AR: variants seen among roughly 807,000 people sequenced by gnomAD.
AR encodes androgen receptor.
In AR, 8 loss-of-function variants were observed where a neutral mutation model predicts 53.9. The observed-to-expected ratio is 0.15, with a 90% CI of 0.09 to 0.27. The LOEUF (loss-of-function observed/expected upper bound fraction) is 0.27, where lower values mean the gene tolerates loss of function less well. AR is among the 10% of genes least tolerant of loss of function. The probability of loss-of-function intolerance (pLI) is 1.00; values close to 1 mark genes in which losing one functional copy is unlikely to be tolerated. For synonymous variants in AR, 359 were observed against 316.4 expected (o/e 1.13, Z -1.43); for missense variants, 639 against 742.5 (o/e 0.86, Z 1.62).
intron 3 of AR, chrX:67,694,913 A>G (rs752710549): frequency 8.9e-5 from 93 of 1,046,170 alleles, no homozygotes; most frequent in Non-Finnish European, 1.1e-4. Context: ...TTCCTACCTC[A>G]CAGGGATGTT....
intron 1 of AR, among the ~76,000 whole-genome samples, chrX:67,630,101 A>G (rs1924985404): frequency 9.0e-6 from 1 of 110,972 alleles, no homozygotes; most frequent in South Asian, 3.9e-4. Flanking sequence ...GTGCTGAAAA[A>G]AATGTATATT....
intron 1 of AR, among the ~76,000 whole-genome samples, chrX:67,614,890 A>T (rs1924041380): frequency 9.0e-6 from 1 of 111,136 alleles, no homozygotes; most frequent in Non-Finnish European, 1.9e-5. Context: ...ATAAAGAGAT[A>T]GAAGTTATAA....
intron 3 of AR, among the ~76,000 whole-genome samples, chrX:67,700,638 A>G (rs1231175171): frequency 8.9e-6 from 1 of 112,039 alleles, no homozygotes; most frequent in Admixed American, 9.4e-5. Context: ...GTGGGAATGC[A>G]GTTTTTCTTC....
At chrX:67,647,831 A>G (rs867544020) in intron 2 of AR, among the ~76,000 whole-genome samples, 1 of 112,317 alleles carries the variant, frequency 8.9e-6, no homozygotes, top group Non-Finnish European at 1.9e-5. Context: ...GCCATAGACA[A>G]TACTGGAACT....
intron 1 of AR, among the ~76,000 whole-genome samples, chrX:67,626,610 T>TTATA (rs201252311): frequency 0.032 from 2,733 of 85,068 alleles, 148 homozygotes; most frequent in African/African-American, 0.11. Flanking sequence ...CCGACTAATT[T>TTATA]TATATATATA....
intron 1 of AR, among the ~76,000 whole-genome samples, chrX:67,624,633 G>A (rs1414712681): frequency 2.7e-5 from 3 of 110,296 alleles, no homozygotes; most frequent in African/African-American, 9.9e-5. Context: ...CAAAATGCTA[G>A]CAAACAGAAT....
At chrX:67,648,930 T>A (rs768081833) in intron 2 of AR, among the ~76,000 whole-genome samples, 1 of 111,834 alleles carries the variant, frequency 8.9e-6, no homozygotes, top group Non-Finnish European at 1.9e-5. Context: ...AATATGCAGG[T>A]TTCTTATATA....
rs777811091 is a variant in AR, at chrX:67,630,707, G to A, written c.1617-12549G>A. 3.6e-5 allele frequency among the ~76,000 whole-genome samples: 4 copies of A among 109,710 alleles called. No homozygotes were observed. The East Asian group carries it at 1.2e-3, about 32-fold the overall frequency. ...ATGATTTTAGCTGGTTATTTTGCTC[G>A]TTAGTTGATGCAGTTTCTTCCTAGT... On this transcript the variant is annotated intron_variant, in intron 1 of 7. Coordinates refer to ENST00000374690, the MANE Select transcript of AR (RefSeq NM_000044.6).
intron 2 of AR, among the ~76,000 whole-genome samples, chrX:67,682,041 C>T (rs773849706): frequency 9.0e-6 from 1 of 111,458 alleles, no homozygotes; most frequent in South Asian, 3.8e-4. Flanking sequence ...ATGATAAAAT[C>T]TTTCAAGAAA....
chrX:67,689,548 T>A, intron 3 of AR: 1 of 964,767 alleles, frequency 1.0e-6, no homozygotes, highest in Non-Finnish European at 1.3e-6. Context: ...TCTTGCTTTT[T>A]TTTCTAGCAG....
At position 67,568,311 on chromosome X, in the gene AR, A is replaced by C. The variant is rs778479025; in HGVS notation, c.1616+21549A>C. ...AAGTTTATGCCAAAGAATCAGAAATAGTCATAATTTAGAGAGAATTCTAGA... is the reference window on the plus strand; with the variant it reads ...AAGTTTATGCCAAAGAATCAGAAATCGTCATAATTTAGAGAGAATTCTAGA... On this transcript the variant is annotated intron_variant, in intron 1 of 7. Transcript: ENST00000374690. Among the ~76,000 whole-genome samples the C allele has an allele frequency of 1.2e-4, 14 of 112,004 alleles. No individual in the cohort carries two copies. In the South Asian group the frequency reaches 5.1e-3, roughly 41 times the overall value.
intron 1 of AR, among the ~76,000 whole-genome samples, chrX:67,547,242 G>A (rs772691056): frequency 1.8e-5 from 2 of 111,597 alleles, no homozygotes; most frequent in Admixed American, 9.5e-5. Context: ...TTCTCAGCGG[G>A]TATCCTCCAG....
At chrX:67,600,209 C>T (rs1203174705) in intron 1 of AR, among the ~76,000 whole-genome samples, 1 of 111,187 alleles carries the variant, frequency 9.0e-6, no homozygotes, top group Non-Finnish European at 1.9e-5. Flanking sequence ...CACCCCTGCA[C>T]AGTTTGATTT....
At chrX:67,576,201 C>T (rs965208214) in intron 1 of AR, among the ~76,000 whole-genome samples, 5 of 110,860 alleles carry the variant, frequency 4.5e-5, no homozygotes, top group Admixed American at 3.8e-4. Context: ...GAAGTCCTCA[C>T]GGAGAGCTGG....
chrX:67,667,182 A>G (rs768042125), intron 2 of AR, among the ~76,000 whole-genome samples: 1 of 111,947 alleles, frequency 8.9e-6, no homozygotes, highest in East Asian at 2.8e-4. Context: ...AAGTAGTTTC[A>G]TGGATTGATG....
intron 2 of AR, among the ~76,000 whole-genome samples, chrX:67,650,130 C>T (rs1926264235): frequency 8.9e-6 from 1 of 111,890 alleles, no homozygotes; most frequent in Admixed American, 9.5e-5. Flanking sequence ...AATTGCCATA[C>T]TGCCCAAAGT....
At chrX:67,627,606 C>A (rs1188240936) in intron 1 of AR, among the ~76,000 whole-genome samples, 3 of 111,328 alleles carry the variant, frequency 2.7e-5, no homozygotes, top group Non-Finnish European at 5.7e-5. Context: ...ATGGTAGTTT[C>A]TTTTGCTGTG....
intron 1 of AR, among the ~76,000 whole-genome samples, chrX:67,578,260 T>C (rs1039093447): frequency 2.7e-5 from 3 of 111,400 alleles, no homozygotes; most frequent in African/African-American, 9.8e-5. Context: ...TTTATTCAGA[T>C]TGGCATATCC....
chrX:67,675,668 G>T (rs1463698581), intron 2 of AR, among the ~76,000 whole-genome samples: 1 of 111,924 alleles, frequency 8.9e-6, no homozygotes, highest in Non-Finnish European at 1.9e-5. Context: ...GGGGCTGGGG[G>T]AGGGATGTTG....
Sources: allele counts gnomAD v4.1 joint callset (sites outside exome capture counted in the v4.1 genomes callset), GRCh38; gene constraint gnomAD v4.1.1; transcripts MANE v1.5; gene names NCBI Gene and HGNC (gene_info 2026-07-23, HGNC 2026-07-21).